RARB: variants seen among roughly 807,000 people sequenced by gnomAD.
RARB encodes the protein retinoic acid receptor beta, also known as HBV-activated protein.
In RARB, 17 loss-of-function variants were observed where a neutral mutation model predicts 51.9. The ratio of observed to expected loss-of-function variants is 0.33; its 90% CI spans 0.22 to 0.49. RARB has a LOEUF of 0.49. Among genes scored for constraint, RARB ranks in the 20% least tolerant of loss-of-function variants. The pLI is 0.99. For synonymous variants in RARB, 215 were observed against 195.4 expected (o/e 1.10, Z -0.84); for missense variants, 369 against 550.8 (o/e 0.67, Z 3.30).
At chr3:25,327,003 C>T (rs1339130039) in intron 5 of RARB, among the ~76,000 whole-genome samples, 1 of 151,994 alleles carries the variant, frequency 6.6e-6, no homozygotes, top group Non-Finnish European at 1.5e-5. Context: ...TCCCACCCCA[C>T]AACAGTCCCC....
At chr3:25,518,679 C>A (rs1698279222) in intron 3 of RARB, among the ~76,000 whole-genome samples, 2 of 152,098 alleles carry the variant, frequency 1.3e-5, no homozygotes, top group Admixed American at 1.3e-4. Flanking sequence ...AAATTCTATA[C>A]TTTAAAATAG....
chr3:25,484,810 GT>G (rs1470770838), intron 2 of RARB, among the ~76,000 whole-genome samples: 2 of 152,032 alleles, frequency 1.3e-5, no homozygotes, highest in African/African-American at 4.8e-5. Context: ...TTAAGGTGTA[GT>G]TTACAAAATG....
intron 2 of RARB, among the ~76,000 whole-genome samples, chr3:24,973,465 TA>T (rs1417528978): frequency 6.6e-6 from 1 of 152,072 alleles, no homozygotes; most frequent in Admixed American, 6.6e-5. Flanking sequence ...TTTATGTTTC[TA>T]TACAAATTTT....
intron 2 of RARB, among the ~76,000 whole-genome samples, chr3:24,915,747 C>T (rs1695094401): frequency 6.6e-6 from 1 of 152,076 alleles, no homozygotes. Flanking sequence ...ATGGTGAGCT[C>T]ACCAAATAGC....
chr3:25,128,509 A>G (rs1699896149), intron 3 of RARB, among the ~76,000 whole-genome samples: 1 of 150,246 alleles, frequency 6.7e-6, no homozygotes, highest in Middle Eastern at 3.5e-3. Flanking sequence ...ACTAAAATAT[A>G]TTTATCACTT....
chr3:24,903,777 T>C (rs1472580113), intron 2 of RARB, among the ~76,000 whole-genome samples: 2 of 152,180 alleles, frequency 1.3e-5, no homozygotes, highest in African/African-American at 2.4e-5. Context: ...AATACTTTGT[T>C]TCCAGTAACA....
chr3:25,405,956 CAT>C (rs1300899569), intron 5 of RARB, among the ~76,000 whole-genome samples: 1 of 44,132 alleles, frequency 2.3e-5, no homozygotes, highest in South Asian at 1.5e-3. Context: ...ACTGTTGACA[CAT>C]GTTTGGTCAT....
intron 5 of RARB, among the ~76,000 whole-genome samples, chr3:25,184,816 C>G (rs1051888994): frequency 2.6e-5 from 4 of 151,908 alleles, no homozygotes; most frequent in Admixed American, 2.0e-4. Context: ...CACTTAAGCT[C>G]AGGAGTTAGA....
In RARB at chr3:25,164,374, G is replaced by A. The variant is rs117237268; in HGVS notation, c.-279-9745G>A. On this transcript the variant is annotated intron_variant, in intron 4 of 11. Transcript: ENST00000383772. ...GCTTCATATAGGTGGGAAGGCCAGC[G>A]TTAATGCTGAGCAAGCATGGGCAAC... Among the ~76,000 whole-genome samples the A allele has an allele frequency of 5.0e-4, 76 of 152,292 alleles. No homozygotes were observed. The East Asian group carries it at 6.4e-3, about 13-fold the overall frequency.
chr3:25,231,092 A>T (rs1702165922), intron 5 of RARB, among the ~76,000 whole-genome samples: 1 of 152,178 alleles, frequency 6.6e-6, no homozygotes, highest in Non-Finnish European at 1.5e-5. Context: ...GCTCCTGAGG[A>T]TAATCCCTCC....
intron 2 of RARB, among the ~76,000 whole-genome samples, chr3:25,011,046 TA>T (rs1337309045): frequency 6.6e-6 from 1 of 152,144 alleles, no homozygotes; most frequent in African/African-American, 2.4e-5. Context: ...CAAGTTAACC[TA>T]TATCTGTTCG....
Position 25,207,771 on chromosome 3 carries a change from A to G in RARB, c.178+33196A>G, listed in dbSNP as rs146085462. Reference sequence around the variant, plus strand: ...TTGAATGAATGAATGAACGAATGCAATTAAGACTCTTCAGAGGGATAGAAT... The same window carrying G: ...TTGAATGAATGAATGAACGAATGCAGTTAAGACTCTTCAGAGGGATAGAAT... On this transcript the variant is annotated intron_variant, in intron 5 of 11. Transcript: ENST00000383772. Among the ~76,000 whole-genome samples, 12 of 152,344 alleles carry G rather than the reference A, an allele frequency of 7.9e-5. No homozygotes were observed. In the East Asian group the frequency reaches 1.7e-3, roughly 22 times the overall value.
intron 2 of RARB, among the ~76,000 whole-genome samples, chr3:24,995,825 T>G (rs1010186436): frequency 6.6e-6 from 1 of 152,138 alleles, no homozygotes; most frequent in Non-Finnish European, 1.5e-5. Context: ...TTGGTCACAT[T>G]GCACTATATT....
At chr3:25,389,936 A>G (rs1379669142) in intron 5 of RARB, among the ~76,000 whole-genome samples, 2 of 152,180 alleles carry the variant, frequency 1.3e-5, no homozygotes, top group African/African-American at 4.8e-5. Flanking sequence ...GTAGATAGCA[A>G]AAGGTTCCAA....
intron 5 of RARB, among the ~76,000 whole-genome samples, chr3:25,186,913 G>GTGTA (rs1700991749): frequency 6.6e-6 from 1 of 150,534 alleles, no homozygotes; most frequent in Non-Finnish European, 1.5e-5. Context: ...GTGTGTGTGT[G>GTGTA]TGTGTGTGTG....
At chr3:24,913,235 T>C (rs535839784) in intron 2 of RARB, among the ~76,000 whole-genome samples, 7 of 151,908 alleles carry the variant, frequency 4.6e-5, no homozygotes, top group South Asian at 4.2e-4. Flanking sequence ...CTGCCCACCT[T>C]GGCCTCCCAA....
At chr3:25,196,366 C>T (rs1316747822) in intron 5 of RARB, among the ~76,000 whole-genome samples, 1 of 152,072 alleles carries the variant, frequency 6.6e-6, no homozygotes, top group Non-Finnish European at 1.5e-5. Flanking sequence ...TGATGGTTTC[C>T]AGCTTCATCC....
At chr3:24,955,190 G>A (rs904183114) in intron 2 of RARB, among the ~76,000 whole-genome samples, 6 of 152,198 alleles carry the variant, frequency 3.9e-5, no homozygotes, top group African/African-American at 1.4e-4. Context: ...GCTGGAAAGG[G>A]GATGGTGTAA....
At chr3:25,005,230 C>T (rs1697245625) in intron 2 of RARB, among the ~76,000 whole-genome samples, 1 of 152,126 alleles carries the variant, frequency 6.6e-6, no homozygotes, top group Non-Finnish European at 1.5e-5. Context: ...TCACTGTTTC[C>T]ACCTTTGCCT....
Sources: allele counts gnomAD v4.1 joint callset (sites outside exome capture counted in the v4.1 genomes callset), GRCh38; gene constraint gnomAD v4.1.1; transcripts MANE v1.5; gene names NCBI Gene and HGNC (gene_info 2026-07-23, HGNC 2026-07-21).